Variants in HTR7 observed in about 807,000 individuals in gnomAD.
HTR7 encodes 5-hydroxytryptamine receptor 7, also known as 5-HT-7.
A neutral mutation model predicts 34.0 loss-of-function variants in HTR7; 16 were observed. The ratio of observed to expected loss-of-function variants is 0.47; its 90% confidence interval spans 0.32 to 0.71. The LOEUF (loss-of-function observed/expected upper bound fraction) is 0.71. HTR7 is among the 30% of genes least tolerant of loss of function. The pLI is 0.04. For synonymous variants in HTR7, 265 were observed against 260.2 expected (o/e 1.02, Z -0.18); for missense variants, 504 against 625.5 (o/e 0.81, Z 2.07).
chr10:90,742,405 C>A lies in HTR7; in HGVS notation c.*77G>T. 1 of 1,112,268 alleles carries A rather than the reference C, an allele frequency of 9.0e-7. No individual in the cohort carries two copies. The highest frequency in any genetic ancestry group is 1.3e-5 in the South Asian group (1 of 76,154). 68.9% of individuals were successfully genotyped at this position (1,112,268 alleles called of 1,614,324 possible). A position where few individuals can be genotyped will look rare whatever the true frequency, so the allele number is the denominator to read the frequency against. On this transcript the variant is annotated 3_prime_UTR_variant, in exon 4 of 4. Transcript: ENST00000336152. The stretch of plus-strand genomic sequence containing the variant: ...GAAAGGACAGAAGCTGCATTCCATT[C>A]TGCAGACTCAGCAAATGACTTCCTT...
At chr10:90,854,081 A>G (rs1846542305) in intron 1 of HTR7, among the ~76,000 whole-genome samples, 1 of 152,258 alleles carries the variant, frequency 6.6e-6, no homozygotes, top group South Asian at 2.1e-4. Context: ...AAGACCATCA[A>G]TAAGCTGGGC....
intron 1 of HTR7, among the ~76,000 whole-genome samples, chr10:90,776,321 C>T (rs906008566): frequency 1.3e-5 from 2 of 152,220 alleles, no homozygotes; most frequent in Admixed American, 6.5e-5. Context: ...GTTGGATGGA[C>T]ACTGTTTCCT....
At chr10:90,825,677 A>G (rs1367862907) in intron 1 of HTR7, among the ~76,000 whole-genome samples, 1 of 152,254 alleles carries the variant, frequency 6.6e-6, no homozygotes, top group Admixed American at 6.5e-5. Flanking sequence ...TGAAAAAATC[A>G]AACAAATTCT....
intron 1 of HTR7, among the ~76,000 whole-genome samples, chr10:90,775,042 T>C (rs965644743): frequency 1.3e-4 from 20 of 152,146 alleles, no homozygotes; most frequent in Admixed American, 9.8e-4. Flanking sequence ...AGATATGCCG[T>C]TGGGTAGAAA....
chr10:90,804,072 G>A (rs564419584), intron 1 of HTR7, among the ~76,000 whole-genome samples: 1 of 152,316 alleles, frequency 6.6e-6, no homozygotes, highest in African/African-American at 2.4e-5. Context: ...ATGTTGAGAT[G>A]AGAAGGAGCA....
At chr10:90,820,017 A>G (rs888375720) in intron 1 of HTR7, among the ~76,000 whole-genome samples, 3 of 152,216 alleles carry the variant, frequency 2.0e-5, no homozygotes, top group African/African-American at 2.4e-5. Flanking sequence ...AATCATAACC[A>G]TATCTACATT....
intron 1 of HTR7, among the ~76,000 whole-genome samples, chr10:90,769,734 A>G (rs1265936833): frequency 1.3e-5 from 2 of 152,270 alleles, no homozygotes; most frequent in African/African-American, 4.8e-5. Context: ...AACCTAGAAA[A>G]GGAATTTAAA....
intron 1 of HTR7, among the ~76,000 whole-genome samples, chr10:90,754,071 C>T (rs774353730): frequency 6.6e-6 from 1 of 151,966 alleles, no homozygotes; most frequent in Non-Finnish European, 1.5e-5. Context: ...AAAAAAAACA[C>T]TATTTTAAGA....
intron 1 of HTR7, among the ~76,000 whole-genome samples, chr10:90,842,123 G>A (rs1846338355): frequency 1.3e-5 from 2 of 152,158 alleles, no homozygotes; most frequent in Non-Finnish European, 2.9e-5. Context: ...GTATTAAGAG[G>A]CAGACTTTTG....
At chr10:90,833,055 A>G (rs1415903101) in intron 1 of HTR7, among the ~76,000 whole-genome samples, 1 of 152,240 alleles carries the variant, frequency 6.6e-6, no homozygotes, top group East Asian at 1.9e-4. Flanking sequence ...ACTTGGAGAC[A>G]TGAACTAGCA....
intron 1 of HTR7, among the ~76,000 whole-genome samples, chr10:90,835,720 AAAC>A (rs1425835952): frequency 6.6e-6 from 1 of 152,184 alleles, no homozygotes; most frequent in Non-Finnish European, 1.5e-5. Context: ...CCAGAAATAT[AAAC>A]AATTACAATT....
chr10:90,836,702 G>A (rs1846258243), intron 1 of HTR7, among the ~76,000 whole-genome samples: 1 of 150,062 alleles, frequency 6.7e-6, no homozygotes. Flanking sequence ...TAGAGATGGT[G>A]TCTTGCTATA....
intron 1 of HTR7, among the ~76,000 whole-genome samples, chr10:90,801,240 G>GT (rs1181262216): frequency 6.6e-6 from 1 of 152,190 alleles, no homozygotes; most frequent in Non-Finnish European, 1.5e-5. Context: ...CCAGCTGGCT[G>GT]TAATTTCTCC....
chr10:90,814,473 T>C (rs901815896), intron 1 of HTR7, among the ~76,000 whole-genome samples: 1 of 152,288 alleles, frequency 6.6e-6, no homozygotes, highest in African/African-American at 2.4e-5. Flanking sequence ...GTCTTACAGA[T>C]GCTAATAATA....
At chr10:90,790,215 A>G (rs4272713) in intron 1 of HTR7, among the ~76,000 whole-genome samples, 39,471 of 151,992 alleles carry the variant, frequency 0.26, 5,442 homozygotes, top group African/African-American at 0.35. Flanking sequence ...ACTGGAATAA[A>G]AAGTATTACC....
At chr10:90,802,100 G>A (rs1418092997) in intron 1 of HTR7, among the ~76,000 whole-genome samples, 2 of 152,156 alleles carry the variant, frequency 1.3e-5, no homozygotes, top group Non-Finnish European at 2.9e-5. Flanking sequence ...TCCATTTTAT[G>A]GTTCTGACTA....
At chr10:90,781,205 T>C (rs1845301295) in intron 1 of HTR7, among the ~76,000 whole-genome samples, 2 of 152,222 alleles carry the variant, frequency 1.3e-5, no homozygotes, top group Non-Finnish European at 2.9e-5. Context: ...TATGTTGATA[T>C]GTAATCTTTT....
At chr10:90,745,937 A>G (rs1450036418) in intron 2 of HTR7, among the ~76,000 whole-genome samples, 1 of 152,214 alleles carries the variant, frequency 6.6e-6, no homozygotes, top group African/African-American at 2.4e-5. Flanking sequence ...CAGGAAAACA[A>G]CACCCAAGCC....
intron 1 of HTR7, among the ~76,000 whole-genome samples, chr10:90,764,949 T>C (rs910838928): frequency 2.0e-5 from 3 of 152,158 alleles, no homozygotes; most frequent in Admixed American, 6.5e-5. Context: ...ATGCTGAGGA[T>C]TGTTGCATCT....
Sources: allele counts gnomAD v4.1 joint callset (sites outside exome capture counted in the v4.1 genomes callset), GRCh38; gene constraint gnomAD v4.1.1; transcripts MANE v1.5; gene names NCBI Gene and HGNC (gene_info 2026-07-23, HGNC 2026-07-21).